The following CSMD1 variants were observed in gnomAD, a reference collection of about 807,000 sequenced individuals.
The protein encoded by CSMD1 is CUB and Sushi multiple domains 1.
Under a neutral mutation model 417.5 loss-of-function variants are expected in CSMD1, and 213 were observed. That is an observed-to-expected ratio of 0.51 (90% CI 0.46 to 0.57). The LOEUF is 0.57. Among genes scored for constraint, CSMD1 ranks in the 20% least tolerant of loss-of-function variants. The pLI, the probability that CSMD1 is intolerant of heterozygous loss-of-function variation, is 0.00. For missense variants in CSMD1, 6,923 were observed against 4,529.7 expected, an observed-to-expected ratio of 1.53 and a Z score of -15.17; for synonymous variants, 2,862 against 1,736.8, an observed-to-expected ratio of 1.65 and a Z score of -16.11.
intron 6 of CSMD1, among the ~76,000 whole-genome samples, chr8:3,735,783 C>G (rs1796496203): frequency 6.6e-6 from 1 of 152,192 alleles, no homozygotes; most frequent in South Asian, 2.1e-4. Context: ...ACCACACATG[C>G]TCCTTGCTAA....
At chr8:4,207,634 G>C (rs1214550770) in intron 3 of CSMD1, among the ~76,000 whole-genome samples, 1 of 152,110 alleles carries the variant, frequency 6.6e-6, no homozygotes, top group South Asian at 2.1e-4. Flanking sequence ...TCATTATGAA[G>C]AGGGGGTTGT....
chr8:3,820,687 TGCCTTA>T (rs1052611098), intron 5 of CSMD1, among the ~76,000 whole-genome samples: 11 of 152,198 alleles, frequency 7.2e-5, no homozygotes, highest in Non-Finnish European at 5.9e-5. Context: ...GCTATTCTCT[TGCCTTA>T]GCCTCCTGAG....
chr8:3,752,688 A>C (rs1356533733), intron 6 of CSMD1, among the ~76,000 whole-genome samples: 1 of 66,162 alleles, frequency 1.5e-5, no homozygotes, highest in Non-Finnish European at 3.8e-5. Context: ...AAAAAAAAAA[A>C]AAAAAAAAAA....
At chr8:3,783,906 T>G (rs1298878134) in intron 5 of CSMD1, among the ~76,000 whole-genome samples, 2 of 30,208 alleles carry the variant, frequency 6.6e-5, no homozygotes, top group African/African-American at 1.4e-4. Context: ...TGGTGCAGGC[T>G]GGAGCTGGGC....
intron 2 of CSMD1, among the ~76,000 whole-genome samples, chr8:4,628,624 T>C (rs1239782118): frequency 6.6e-6 from 1 of 151,148 alleles, no homozygotes; most frequent in Non-Finnish European, 1.5e-5. Context: ...AAAAAAATGC[T>C]CTCCTCACAC....
chr8:4,948,781 T>G (rs1301725317), intron 1 of CSMD1, among the ~76,000 whole-genome samples: 1 of 152,166 alleles, frequency 6.6e-6, no homozygotes, highest in South Asian at 2.1e-4. Flanking sequence ...CCTGAAAGTC[T>G]TAACGTGTTT....
chr8:4,211,013 TAA>T (rs1800275426), intron 3 of CSMD1, among the ~76,000 whole-genome samples: 2 of 151,998 alleles, frequency 1.3e-5, no homozygotes, highest in South Asian at 2.1e-4. Context: ...CACAATGAAA[TAA>T]AAGTTTCAAA....
intron 2 of CSMD1, among the ~76,000 whole-genome samples, chr8:4,594,415 G>T (rs553683154): frequency 1.3e-5 from 2 of 151,948 alleles, no homozygotes; most frequent in South Asian, 4.2e-4. Flanking sequence ...GGCCAGGCTG[G>T]TCTCAAACTC....
chr8:4,013,629 T>C (rs1161264291), intron 4 of CSMD1, among the ~76,000 whole-genome samples: 1 of 152,200 alleles, frequency 6.6e-6, no homozygotes, highest in Admixed American at 6.5e-5. Context: ...TGCTTATTTA[T>C]GTTATCTATC....
At chr8:4,360,072 G>T (rs549691434) in intron 3 of CSMD1, among the ~76,000 whole-genome samples, 4 of 152,108 alleles carry the variant, frequency 2.6e-5, no homozygotes, top group African/African-American at 9.7e-5. Flanking sequence ...TGACCGCCTG[G>T]GATCTCGGAC....
intron 3 of CSMD1, among the ~76,000 whole-genome samples, chr8:4,388,672 T>C (rs1285103235): frequency 6.6e-6 from 1 of 151,986 alleles, no homozygotes; most frequent in Non-Finnish European, 1.5e-5. Context: ...TGTAACCAAA[T>C]ACCACTTGAA....
intron 3 of CSMD1, among the ~76,000 whole-genome samples, chr8:4,102,259 C>T (rs558584071): frequency 6.6e-6 from 1 of 152,096 alleles, no homozygotes; most frequent in Non-Finnish European, 1.5e-5. Context: ...TTTAGATATG[C>T]TATACTTTAC....
At chr8:4,512,144 A>C (rs79616687) in intron 2 of CSMD1, among the ~76,000 whole-genome samples, 3,653 of 152,298 alleles carry the variant, frequency 0.024, 134 homozygotes, top group East Asian at 0.087. Context: ...ATACTGAAAA[A>C]TTAATTAACA....
chr8:4,424,281 A>C (rs1427760981), intron 2 of CSMD1, among the ~76,000 whole-genome samples: 1 of 152,050 alleles, frequency 6.6e-6, no homozygotes, highest in Non-Finnish European at 1.5e-5. Context: ...ACACATTCGC[A>C]AGCCAAATAT....
chr8:4,327,500 G>A (rs1034340479), intron 3 of CSMD1, among the ~76,000 whole-genome samples: 2 of 152,166 alleles, frequency 1.3e-5, no homozygotes, highest in African/African-American at 2.4e-5. Context: ...TCTGTGCTGA[G>A]TGCCTTTCTT....
chr8:3,668,648 ATATAGAAG>A (rs1195392058), intron 7 of CSMD1, among the ~76,000 whole-genome samples: 24 of 152,090 alleles, frequency 1.6e-4, no homozygotes, highest in Admixed American at 1.5e-3. Flanking sequence ...AGAGTGTGCA[ATATAGAAG>A]CTCAGTCTGA....
intron 6 of CSMD1, among the ~76,000 whole-genome samples, chr8:3,749,570 A>T (rs1449471450): frequency 6.6e-6 from 1 of 152,226 alleles, no homozygotes; most frequent in Non-Finnish European, 1.5e-5. Flanking sequence ...GTTGTCATTT[A>T]TTTGACCAAG....
Position 3,807,701 on chromosome 8 carries a change from T to C in CSMD1, c.819-53659A>G, listed in dbSNP as rs554131572. ...TAATTAAGTTTTGGCTTTTCTTCCTTGAGCTATAAGGGATCCTAATGTCTT... is the reference window on the plus strand; with the variant it reads ...TAATTAAGTTTTGGCTTTTCTTCCTCGAGCTATAAGGGATCCTAATGTCTT... On this transcript the variant is annotated intron_variant, in intron 5 of 69. Coordinates refer to ENST00000635120, the MANE Select transcript of CSMD1 (RefSeq NM_033225.6). Among the ~76,000 whole-genome samples the C allele has an allele frequency of 2.0e-5, 3 of 152,180 alleles. No homozygotes were observed. The East Asian group carries it at 5.8e-4, about 29-fold the overall frequency.
intron 2 of CSMD1, among the ~76,000 whole-genome samples, chr8:4,465,509 GT>G (rs1416777589): frequency 6.6e-6 from 1 of 152,072 alleles, no homozygotes; most frequent in Non-Finnish European, 1.5e-5. Flanking sequence ...TGACTTAACA[GT>G]GGGGGATATG....
Sources: gnomAD v4.1 joint callset for allele counts (sites outside exome capture counted in the v4.1 genomes callset) on GRCh38, gnomAD v4.1.1 for gene constraint, MANE v1.5 for transcripts, NCBI Gene and HGNC (gene_info 2026-07-23, HGNC 2026-07-21) for gene names.